Variants in ATMIN observed in about 807,000 individuals in gnomAD.
The protein encoded by ATMIN is ATM INteracting protein.
ATMIN carries 24 observed loss-of-function variants against 49.2 expected under a neutral mutation model. That is an observed-to-expected ratio of 0.49 (90% confidence interval 0.35 to 0.69). The LOEUF (loss-of-function observed/expected upper bound fraction) is 0.69, where lower values mean the gene tolerates loss of function less well. ATMIN is among the 30% of genes least tolerant of loss of function. ATMIN has a pLI of 0.00. For synonymous variants in ATMIN, 450 were observed against 392.5 expected, an observed-to-expected ratio of 1.15 and a Z score of -1.73; for missense variants, 1,037 against 1,005.5, an observed-to-expected ratio of 1.03 and a Z score of -0.42.
rs1245786121 is a variant in ATMIN at position 81,044,033 on chromosome 16, G to A, written c.1535G>A (p.Gly512Glu). Residue 512 changes from glycine to glutamate, a missense_variant, in exon 4 of 4, where the codon GGA (glycine) becomes GAA (glutamate). Transcript: ENST00000299575. The stretch of plus-strand genomic sequence containing the variant: ...GACCATGTACAGATGGACCAAGCTG[G>A]AATGTGCGGAGACATTTTTGAGAGT... ...TDDHVQMDQA[G>E]MCGDIFESVH... The A allele has an allele frequency of 1.9e-6, 3 of 1,614,206 alleles. No homozygotes were observed. The highest frequency in any genetic ancestry group is 1.7e-6 in the Non-Finnish European group (2 of 1,180,032).
Position 81,044,169 on chromosome 16 carries a change from A to C in ATMIN, c.1671A>C (p.Gln557His). The C allele has an allele frequency of 6.2e-7, 1 of 1,614,198 alleles. No individual in the cohort carries two copies. The highest frequency in any genetic ancestry group is 8.5e-7 in the Non-Finnish European group (1 of 1,180,006). ...LPQNEPKTLNQDIEKSAPIIN... is the reference protein window; with the variant it reads ...LPQNEPKTLNHDIEKSAPIIN... ...AGAATGAGCCTAAGACTTTAAATCA[A>C]GATATTGAGAAATCTGCACCAATTA... The change falls in exon 4 of 4, where the codon CAA becomes CAC. Residue 557 changes from glutamine to histidine, a missense_variant. Gln to His is a conservative substitution (Grantham distance 24, BLOSUM62 0). Coordinates refer to ENST00000299575, the MANE Select transcript of ATMIN (RefSeq NM_015251.3).
Position 81,044,717 on chromosome 16 carries a change from C to T in ATMIN, c.2219C>T (p.Thr740Ile), listed in dbSNP as rs760324208. The T allele has an allele frequency of 1.2e-6, 2 of 1,614,174 alleles. No individual in the cohort carries two copies. The highest frequency in any genetic ancestry group is 1.7e-6 in the Non-Finnish European group (2 of 1,180,050). ...SVSTDSSDTE[T>I]QTEGVSTAKN... is the part of the protein sequence containing the mutation. ...AGTACTGATTCATCTGACACAGAGA[C>T]CCAAACTGAAGGAGTCTCCACTGCT... The change falls in exon 4 of 4, where the codon ACC becomes ATC. Residue 740 changes from threonine to isoleucine, a missense_variant. Physicochemically the swap from Thr to Ile is moderately conservative, Grantham distance 89 (BLOSUM62 -1). Coordinates refer to ENST00000299575, the MANE Select transcript of ATMIN (RefSeq NM_015251.3).
rs554065549 is a variant in ATMIN at position 81,043,023 on chromosome 16, G to T, written c.663-138G>T. ...AGGACCAACTCCCAGAGTTGCGAAA[G>T]AATGGATTTATCTTGTCTGGGTTGA... On this transcript the variant is annotated intron_variant, in intron 3 of 3. Coordinates refer to ENST00000299575, the MANE Select transcript of ATMIN (RefSeq NM_015251.3). 2.7e-4 allele frequency: 295 copies of T among 1,080,778 alleles called. 2 individuals carry two copies. In the South Asian group the frequency reaches 4.9e-3, roughly 18 times the overall value. The allele number at this position is 1,080,778 out of a possible 1,614,324, so 66.9% of individuals were successfully genotyped here.
chr16:81,041,433 C>T lies in ATMIN; in HGVS notation c.414C>T (p.Cys138=). ...TCTACTGCTGTCCAATTGAAGGCTGCCCCAGAGGCCCTGAGAGACCGTTTT... is the reference window on the plus strand; with the variant it reads ...TCTACTGCTGTCCAATTGAAGGCTGTCCCAGAGGCCCTGAGAGACCGTTTT... The part of the protein sequence containing the change: ...PKFYCCPIEG[C]PRGPERPFSQ... Residue 138 remains cysteine, a synonymous_variant, in exon 2 of 4, where the codon TGC becomes TGT. Coordinates refer to ENST00000299575, the MANE Select transcript of ATMIN (RefSeq NM_015251.3). 1 of 1,613,724 alleles carries T rather than the reference C, an allele frequency of 6.2e-7. No homozygotes were observed. Among genetic ancestry groups the T allele is most frequent in the South Asian group, 1.1e-5 (1 of 90,958 alleles).
chr16:81,041,500 A>G lies in ATMIN; in HGVS notation c.462+19A>G. ...AAAACAGGTACTCTCTACTCTGAGG[A>G]TGAGATACAGATGCTAAAAACCTAT... On this transcript the variant is annotated intron_variant, in intron 2 of 3. Coordinates refer to ENST00000299575, the MANE Select transcript of ATMIN (RefSeq NM_015251.3). 1 of 1,591,114 alleles carries G rather than the reference A, an allele frequency of 6.3e-7. No individual in the cohort carries two copies. The highest frequency in any genetic ancestry group is 8.5e-7 in the Non-Finnish European group (1 of 1,174,104).
chr16:81,043,228 A>G lies in ATMIN; in HGVS notation c.730A>G (p.Ile244Val), dbSNP rs202163506. 348 of 1,614,028 alleles carry G rather than the reference A, an allele frequency of 2.2e-4. 1 individual carries two copies. The highest frequency in any genetic ancestry group is 2.9e-4 in the Non-Finnish European group (341 of 1,180,026). ...AQNQKLSNKT[I>V]ESLNNQPIPR... ...AAACCAGAAGTTATCCAACAAGACC[A>G]TTGAATCATTGAACAACCAACCAAT... Residue 244 changes from isoleucine (I) to valine (V), a missense_variant, in exon 4 of 4, where the codon ATT (isoleucine) becomes GTT (valine). Physicochemically the swap from Ile to Val is conservative, Grantham distance 29 (BLOSUM62 3). Transcript: ENST00000299575.
chr16:81,044,836 T>G lies in ATMIN; in HGVS notation c.2338T>G (p.Phe780Val). 1 of 1,614,218 alleles carries G rather than the reference T, an allele frequency of 6.2e-7. No homozygotes were observed. Among genetic ancestry groups the G allele is most frequent in the Non-Finnish European group, 8.5e-7 (1 of 1,180,034 alleles). The change falls in exon 4 of 4, where the codon TTC becomes GTC. Residue 780 changes from phenylalanine to valine, a missense_variant. By Grantham distance (50) the Phe-to-Val change is conservative. Coordinates refer to ENST00000299575, the MANE Select transcript of ATMIN (RefSeq NM_015251.3). The stretch of plus-strand genomic sequence containing the variant: ...GTTTGAAACCCTGGGGAGCTTGTTC[T>G]TCACCAGCAACGAAACTCAGACAGC... Reference protein sequence around the residue: ...SGFETLGSLFFTSNETQTAMD... With the variant: ...SGFETLGSLFVTSNETQTAMD...
rs1307780488 is a variant in ATMIN, at chr16:81,043,352, C to G, written c.854C>G (p.Thr285Arg). Residue 285 changes from threonine (T) to arginine (R), a missense_variant, in exon 4 of 4, where the codon ACA becomes AGA. Coordinates refer to ENST00000299575, the MANE Select transcript of ATMIN (RefSeq NM_015251.3). Reference protein sequence around the residue: ...CGSNTDKQTLTTPPRYPQKLL... With the variant: ...CGSNTDKQTLRTPPRYPQKLL... ...TCTAACACTGACAAGCAGACTCTTACAACACCACCGAGATATCCTCAGAAG... is the reference window on the plus strand; with the variant it reads ...TCTAACACTGACAAGCAGACTCTTAGAACACCACCGAGATATCCTCAGAAG... 1 of 1,609,882 alleles carries G rather than the reference C, an allele frequency of 6.2e-7. No homozygotes were observed. The highest frequency in any genetic ancestry group is 1.1e-5 in the South Asian group (1 of 90,854).
intron 1 of ATMIN, chr16:81,037,624 T>G: frequency 1.8e-6 from 1 of 547,074 alleles, no homozygotes; most frequent in African/African-American, 2.1e-5. Context: ...TTTTCTTCCC[T>G]ATTGTTTTTG....
Position 81,044,500 on chromosome 16 carries a change from C to G in ATMIN, c.2002C>G (p.Leu668Val). The change falls in exon 4 of 4, where the codon CTG becomes GTG. Residue 668 changes from leucine (L) to valine (V), a missense_variant. Physicochemically the swap from Leu to Val is conservative, Grantham distance 32. Transcript: ENST00000299575. ...TMTTEPVLES[L>V]DIETQTDFLL... ...GACCACCGAGCCAGTCTTGGAGTCA[C>G]TGGACATAGAGACTCAAACGGACTT... The G allele has an allele frequency of 6.2e-7, 1 of 1,614,094 alleles. No homozygotes were observed. The highest frequency in any genetic ancestry group is 1.1e-5 in the South Asian group (1 of 91,070).
intron 1 of ATMIN, among the ~76,000 whole-genome samples, 165 bp downstream of exon 1, chr16:81,036,371 C>G (rs1293049647): frequency 6.6e-6 from 1 of 151,958 alleles, no homozygotes; most frequent in Non-Finnish European, 1.5e-5. Flanking sequence ...CTCTCGAACC[C>G]TCGCGGCAGG....
chr16:81,042,505 A>G, intron 3 of ATMIN, 25 bp downstream of exon 3: 1 of 1,607,122 alleles, frequency 6.2e-7, no homozygotes. Flanking sequence ...ATGATGGCAC[A>G]GAAGTCAGTA....
At chr16:81,040,684 G>A (rs1971022550) in intron 1 of ATMIN, 1 of 152,270 alleles carries the variant, frequency 6.6e-6, no homozygotes, top group Admixed American at 6.5e-5. Context: ...TGGAGTAAGG[G>A]ACTTTGAGTA....
chr16:81,038,735 T>G (rs952115649), intron 1 of ATMIN, among the ~76,000 whole-genome samples: 2 of 152,178 alleles, frequency 1.3e-5, no homozygotes, highest in Non-Finnish European at 2.9e-5. Flanking sequence ...ATCCTCCTGC[T>G]TTAGCCTCCC....
Position 81,036,107 on chromosome 16 carries a change from C to A in ATMIN, c.237C>A (p.Ala79=), listed in dbSNP as rs1467847560. ...IQPSVSELSR[A]VRTNILCTVR... ...CGTCGGTGAGCGAGCTGTCCCGGGC[C>A]GTGCGGACCAACATCCTGTGCACCG... is the stretch of plus-strand genomic sequence containing the variant. The change falls in exon 1 of 4, where the codon GCC becomes GCA. Residue 79 remains alanine (A), a synonymous_variant. Transcript: ENST00000299575. 7.0e-7 allele frequency: 1 copy of A among 1,427,864 alleles called. No individual in the cohort carries two copies. Among genetic ancestry groups the A allele is most frequent in the South Asian group, 1.4e-5 (1 of 72,010 alleles). The allele number at this position is 1,427,864 out of a possible 1,614,324, so 88.4% of individuals were successfully genotyped here.
chr16:81,043,189 G>A lies in ATMIN; in HGVS notation c.691G>A (p.Glu231Lys), dbSNP rs1314985958. ...RDPPSKKRKMENCAQNQKLSN... is the reference protein window; with the variant it reads ...RDPPSKKRKMKNCAQNQKLSN... ...CCCACCTAGTAAGAAAAGGAAAATG[G>A]AAAACTGTGCACAAAACCAGAAGTT... The change falls in exon 4 of 4, where the codon GAA (glutamate) becomes AAA (lysine). Residue 231 changes from glutamate (E) to lysine (K), a missense_variant. Coordinates refer to ENST00000299575, the MANE Select transcript of ATMIN (RefSeq NM_015251.3). The A allele has an allele frequency of 2.5e-6, 4 of 1,606,990 alleles. No homozygotes were observed. The highest frequency in any genetic ancestry group is 3.4e-6 in the Non-Finnish European group (4 of 1,178,274).
At chr16:81,041,226 A>AAGTGTCAG in intron 1 of ATMIN, 130 bp from the exon 2 acceptor site, 1 of 971,452 alleles carries the variant, frequency 1.0e-6, no homozygotes, top group African/African-American at 1.7e-5. Flanking sequence ...CTTACTGCTG[A>AAGTGTCAG]CACTAGATGG....
chr16:81,036,344 T>G, intron 1 of ATMIN, 138 bp downstream of exon 1: 2 of 847,318 alleles, frequency 2.4e-6, no homozygotes, highest in Non-Finnish European at 2.9e-6. Context: ...GCCTCTGCCC[T>G]CCCCGGCCGG....
In ATMIN at chr16:81,041,364, A is replaced by G. The variant is rs202038449; in HGVS notation, c.345A>G (p.Ile115Met). 16 of 1,610,970 alleles carry G rather than the reference A, an allele frequency of 9.9e-6. No individual in the cohort carries two copies. In the Admixed American group the frequency reaches 2.2e-4, roughly 22 times the overall value. ...TAATTTTCCTTTTGCAGGATGGCAT[A>G]GTCAATCCAACAATAAGAAAAGATT... ...LVKSHRLQDGIVNPTIRKDLK... is the reference protein window; with the variant it reads ...LVKSHRLQDGMVNPTIRKDLK... The change falls in exon 2 of 4, where the codon ATA becomes ATG. Residue 115 changes from isoleucine to methionine, a missense_variant. Physicochemically the swap from Ile to Met is conservative, Grantham distance 10. Coordinates refer to ENST00000299575, the MANE Select transcript of ATMIN (RefSeq NM_015251.3).
Sources: allele counts gnomAD v4.1 joint callset (sites outside exome capture counted in the v4.1 genomes callset), GRCh38; gene constraint gnomAD v4.1.1; transcripts MANE v1.5; gene names NCBI Gene and HGNC (gene_info 2026-07-23, HGNC 2026-07-21).